STARD6: variants seen among roughly 807,000 people sequenced by gnomAD.
STARD6 encodes the protein StAR related lipid transfer domain containing 6, also known as stAR-related lipid transfer protein 6.
In STARD6, 21 loss-of-function variants were observed where a neutral mutation model predicts 22.3. The observed-to-expected ratio is 0.94, with a 90% confidence interval of 0.67 to 1.35. The LOEUF is 1.35. STARD6 is among the 40% of genes most tolerant of loss of function. The pLI is 0.00. For synonymous variants in STARD6, 80 were observed against 88.1 expected, an observed-to-expected ratio of 0.91 and a Z score of 0.52; for missense variants, 269 against 266.9, an observed-to-expected ratio of 1.01 and a Z score of -0.05.
intron 5 of STARD6, among the ~76,000 whole-genome samples, chr18:54,336,290 C>T (rs1485896941): frequency 6.6e-6 from 1 of 152,132 alleles, no homozygotes; most frequent in Non-Finnish European, 1.5e-5. Flanking sequence ...GGCTCTGTGT[C>T]CCCACCCAAA....
At chr18:54,336,156 T>C (rs894986845) in intron 5 of STARD6, among the ~76,000 whole-genome samples, 4 of 152,238 alleles carry the variant, frequency 2.6e-5, no homozygotes, top group Non-Finnish European at 5.9e-5. Context: ...CATTTTTGTT[T>C]TCTCTTTGTT....
At chr18:54,357,039 A>T (rs776431032) in intron 1 of STARD6, 1 of 152,280 alleles carries the variant, frequency 6.6e-6, no homozygotes, top group Non-Finnish European at 1.5e-5. Context: ...AAACAGTAAG[A>T]CTACAATTGT....
At chr18:54,351,899 G>GTTTTTTTTTT (rs60888927) in intron 4 of STARD6, among the ~76,000 whole-genome samples, 3 of 70,652 alleles carry the variant, frequency 4.2e-5, no homozygotes, top group Non-Finnish European at 2.4e-5. Flanking sequence ...ATATTGGTCC[G>GTTTTTTTTTT]TTTTTTTTTT....
rs186465494 is a variant in STARD6, at chr18:54,324,504, C to T, written c.*188G>A. On this transcript the variant is annotated 3_prime_UTR_variant, in exon 8 of 8. Transcript: ENST00000307844. ...CATCATTCTTACGTGAGATTAAAAA[C>T]GGTATTTAATGCCATATTCTTGTAC... 1.5e-3 allele frequency: 692 copies of T among 469,812 alleles called. 17 individuals carry two copies. In the South Asian group the frequency reaches 0.026, roughly 17 times the overall value. 29.1% of individuals were successfully genotyped at this position (469,812 alleles called of 1,614,324 possible). A position where few individuals can be genotyped will look rare whatever the true frequency, so the allele number is the denominator to read the frequency against.
chr18:54,336,477 C>T (rs893808923), intron 5 of STARD6, among the ~76,000 whole-genome samples: 1 of 152,180 alleles, frequency 6.6e-6, no homozygotes, highest in African/African-American at 2.4e-5. Flanking sequence ...CAATGCGGAA[C>T]TGTGTGTCAA....
chr18:54,333,602 T>C (rs536641662), intron 5 of STARD6, among the ~76,000 whole-genome samples: 12 of 152,222 alleles, frequency 7.9e-5, no homozygotes, highest in Non-Finnish European at 1.3e-4. Context: ...ACATGTGTTT[T>C]CTGTGGATAG....
intron 4 of STARD6, among the ~76,000 whole-genome samples, chr18:54,346,477 G>A (rs376661355): frequency 8.6e-5 from 13 of 151,886 alleles, no homozygotes; most frequent in African/African-American, 2.9e-4. Context: ...AAAACGGTGC[G>A]GCCAGTCTCT....
chr18:54,353,593 C>G (rs1657892), intron 4 of STARD6, among the ~76,000 whole-genome samples: 115,979 of 152,178 alleles, frequency 0.76, 45,060 homozygotes, highest in African/African-American at 0.93. Flanking sequence ...CCAGAAGGCA[C>G]AGGTTGCAGT....
At chr18:54,351,111 G>C (rs2089092114) in intron 4 of STARD6, among the ~76,000 whole-genome samples, 1 of 152,170 alleles carries the variant, frequency 6.6e-6, no homozygotes, top group Non-Finnish European at 1.5e-5. Flanking sequence ...ACTCATCCAT[G>C]AGCATGGGAT....
intron 2 of STARD6, among the ~76,000 whole-genome samples, chr18:54,354,819 A>C (rs1454291301): frequency 6.6e-6 from 1 of 152,204 alleles, no homozygotes; most frequent in Non-Finnish European, 1.5e-5. Flanking sequence ...TGTCTCTGCC[A>C]CCTATTGTGT....
At chr18:54,331,657 AT>A (rs1251128806) in intron 6 of STARD6, 84 bp downstream of exon 6, 19 of 887,534 alleles carry the variant, frequency 2.1e-5, no homozygotes, top group Admixed American at 2.4e-5. Flanking sequence ...TTAAAATATA[AT>A]TTCTTTGAAG....
At chr18:54,335,547 T>G (rs911624315) in intron 5 of STARD6, among the ~76,000 whole-genome samples, 2 of 152,138 alleles carry the variant, frequency 1.3e-5, no homozygotes, top group Non-Finnish European at 2.9e-5. Flanking sequence ...ATCTATAGTG[T>G]GCTGGACCAA....
intron 4 of STARD6, among the ~76,000 whole-genome samples, chr18:54,340,097 G>A (rs918588952): frequency 7.9e-5 from 12 of 151,948 alleles, no homozygotes; most frequent in African/African-American, 1.4e-4. Flanking sequence ...GTATTCTTAC[G>A]GATATATATG....
chr18:54,326,168 G>A (rs545489891), intron 7 of STARD6, among the ~76,000 whole-genome samples: 1 of 152,128 alleles, frequency 6.6e-6, no homozygotes, highest in South Asian at 2.1e-4. Flanking sequence ...TCCACACTAA[G>A]TGGTACTATG....
Position 54,337,136 on chromosome 18 carries a change from T to C in STARD6, c.256A>G (p.Arg86Gly). Reference sequence around the variant, plus strand: ...AAACAACAAATTACCGAATCAATCCTGTGTACCATATTATACACTTGCAAT... The same window carrying C: ...AAACAACAAATTACCGAATCAATCCCGTGTACCATATTATACACTTGCAAT... The part of the protein sequence containing the change: ...KSLQVYNMVH[R>G]IDSDTFICHT... The change falls in exon 5 of 8, where the codon AGG becomes GGG. Residue 86 changes from arginine (R) to glycine (G), a missense_variant. Coordinates refer to ENST00000307844, the MANE Select transcript of STARD6 (RefSeq NM_139171.2). 5 of 1,610,572 alleles carry C rather than the reference T, an allele frequency of 3.1e-6. No homozygotes were observed. The highest frequency in any genetic ancestry group is 4.2e-6 in the Non-Finnish European group (5 of 1,178,590).
chr18:54,337,649 A>T (rs780031040), intron 4 of STARD6, among the ~76,000 whole-genome samples: 127 of 152,348 alleles, frequency 8.3e-4, no homozygotes, highest in Non-Finnish European at 1.5e-3. Context: ...CTCTTGTGCT[A>T]TAATGACAGA....
chr18:54,341,495 T>G (rs2088969103), intron 4 of STARD6, among the ~76,000 whole-genome samples: 2 of 152,210 alleles, frequency 1.3e-5, no homozygotes, highest in Non-Finnish European at 2.9e-5. Context: ...CTCAAGTGCA[T>G]CTGGTACATT....
rs777365618 is a variant in STARD6 at position 54,354,464 on chromosome 18, A to G, written c.90+20T>C. 3 of 1,564,034 alleles carry G rather than the reference A, an allele frequency of 1.9e-6. No individual in the cohort carries two copies. The highest frequency in any genetic ancestry group is 2.7e-5 in the African/African-American group (2 of 73,456). On this transcript the variant is annotated intron_variant, in intron 3 of 7. Transcript: ENST00000307844. ...ACTTAAAAACAAAGTCTTGAAACAT[A>G]ATTTAACTTATTTTCTTACTGAAGT...
intron 4 of STARD6, among the ~76,000 whole-genome samples, chr18:54,338,648 G>A (rs935803474): frequency 6.6e-6 from 1 of 151,814 alleles, no homozygotes. Flanking sequence ...AAAAAACTGC[G>A]AGTCATGCAA....
Sources: allele counts gnomAD v4.1 joint callset (sites outside exome capture counted in the v4.1 genomes callset), GRCh38; gene constraint gnomAD v4.1.1; transcripts MANE v1.5; gene names NCBI Gene and HGNC (gene_info 2026-07-23, HGNC 2026-07-21).